LRRTM4: variants seen among roughly 807,000 people sequenced by gnomAD.
The protein encoded by LRRTM4 is leucine rich repeat transmembrane neuronal 4, also known as leucine-rich repeat transmembrane neuronal protein 4.
In LRRTM4, 25 loss-of-function variants were observed where a neutral mutation model predicts 47.6. The ratio of observed to expected loss-of-function variants is 0.53; its 90% confidence interval spans 0.38 to 0.73. The LOEUF (loss-of-function observed/expected upper bound fraction) is 0.73, where lower values mean the gene tolerates loss of function less well. LRRTM4 is among the 30% of genes least tolerant of loss of function. LRRTM4 has a pLI of 0.00. For missense variants in LRRTM4, 638 were observed against 713.4 expected (o/e 0.89, Z 1.20); for synonymous variants, 311 against 269.5 (o/e 1.15, Z -1.51).
intron 3 of LRRTM4, among the ~76,000 whole-genome samples, chr2:76,814,794 TACACACACACATAC>T (rs200991455): frequency 0.11 from 17,131 of 149,644 alleles, 1,161 homozygotes; most frequent in African/African-American, 0.18. Context: ...GGCTTCAAGA[TACACACACACATAC>T]ACACACACAC....
At chr2:77,119,334 A>G (rs1321733693) in intron 3 of LRRTM4, among the ~76,000 whole-genome samples, 1 of 151,836 alleles carries the variant, frequency 6.6e-6, no homozygotes, top group Non-Finnish European at 1.5e-5. Context: ...AAGAGTGTTG[A>G]TCTTTCTCTA....
chr2:76,777,192 T>G (rs1460243708), intron 3 of LRRTM4, among the ~76,000 whole-genome samples: 1 of 150,872 alleles, frequency 6.6e-6, no homozygotes, highest in Non-Finnish European at 1.5e-5. Context: ...TCAGGGAGTG[T>G]GATGCATCCA....
At chr2:77,123,572 A>G (rs1017298526) in intron 3 of LRRTM4, among the ~76,000 whole-genome samples, 1 of 152,104 alleles carries the variant, frequency 6.6e-6, no homozygotes, top group African/African-American at 2.4e-5. Flanking sequence ...CTTAACTATC[A>G]TTTTTAACAC....
intron 3 of LRRTM4, among the ~76,000 whole-genome samples, chr2:76,888,032 T>G (rs1304800831): frequency 6.7e-6 from 1 of 149,698 alleles, no homozygotes; most frequent in Non-Finnish European, 1.5e-5. Flanking sequence ...GCACACACTG[T>G]GTGTGTGTAT....
intron 3 of LRRTM4, among the ~76,000 whole-genome samples, chr2:77,070,005 G>A (rs1167612710): frequency 6.6e-6 from 1 of 152,072 alleles, no homozygotes; most frequent in Non-Finnish European, 1.5e-5. Context: ...ATGAAAACAA[G>A]CCTTTTGAAT....
At chr2:77,095,626 C>A (rs1031664568) in intron 3 of LRRTM4, among the ~76,000 whole-genome samples, 1 of 151,582 alleles carries the variant, frequency 6.6e-6, no homozygotes, top group Non-Finnish European at 1.5e-5. Flanking sequence ...GTGCCTCAGC[C>A]TCCCAAGTAA....
At chr2:76,926,910 A>G (rs577755805) in intron 3 of LRRTM4, among the ~76,000 whole-genome samples, 6 of 152,294 alleles carry the variant, frequency 3.9e-5, no homozygotes, top group African/African-American at 1.4e-4. Flanking sequence ...AGAAAAGGTC[A>G]TGAAAACACG....
intron 3 of LRRTM4, among the ~76,000 whole-genome samples, chr2:76,816,819 GT>G (rs201525166): frequency 1.0e-5 from 1 of 96,564 alleles, no homozygotes; most frequent in African/African-American, 3.2e-5. Flanking sequence ...GAGGTAAAGA[GT>G]TTTTTTTTTT....
At chr2:77,370,319 T>G (rs1239079994) in intron 3 of LRRTM4, among the ~76,000 whole-genome samples, 1 of 151,690 alleles carries the variant, frequency 6.6e-6, no homozygotes, top group Admixed American at 6.6e-5. Context: ...CTTGATGAAG[T>G]CATGAAAGGA....
intron 3 of LRRTM4, among the ~76,000 whole-genome samples, chr2:77,265,998 A>G (rs1676039117): frequency 6.6e-6 from 1 of 152,186 alleles, no homozygotes; most frequent in Non-Finnish European, 1.5e-5. Context: ...GAGGTTGGTA[A>G]ATTGTGGCCC....
chr2:76,899,179 G>GA (rs1438929685), intron 3 of LRRTM4, among the ~76,000 whole-genome samples: 1 of 151,738 alleles, frequency 6.6e-6, no homozygotes, highest in Non-Finnish European at 1.5e-5. Context: ...CTCAAGATAA[G>GA]AAAAAACTTT....
intron 3 of LRRTM4, among the ~76,000 whole-genome samples, chr2:77,473,013 A>G (rs1028912814): frequency 1.1e-4 from 16 of 152,194 alleles, no homozygotes; most frequent in African/African-American, 2.9e-4. Flanking sequence ...CTAAATAGAT[A>G]CATACAAAAA....
intron 3 of LRRTM4, among the ~76,000 whole-genome samples, chr2:77,403,408 A>G (rs567092800): frequency 1.3e-5 from 2 of 152,038 alleles, no homozygotes; most frequent in South Asian, 2.1e-4. Context: ...TCCAGGACTT[A>G]GTACAGTACT....
intron 3 of LRRTM4, among the ~76,000 whole-genome samples, chr2:76,808,773 C>T (rs1346962472): frequency 6.6e-6 from 1 of 152,106 alleles, no homozygotes; most frequent in East Asian, 1.9e-4. Context: ...GCAACACATT[C>T]CATCAGGAAA....
At chr2:76,892,086 A>T (rs1445532579) in intron 3 of LRRTM4, among the ~76,000 whole-genome samples, 3 of 151,730 alleles carry the variant, frequency 2.0e-5, no homozygotes, top group Admixed American at 6.6e-5. Context: ...ACTAAAACTG[A>T]ATTTAAAATA....
chr2:77,212,218 C>T (rs1305965042), intron 3 of LRRTM4, among the ~76,000 whole-genome samples: 1 of 151,702 alleles, frequency 6.6e-6, no homozygotes. Context: ...GATTAGTTAA[C>T]AAAATACTAT....
At chr2:77,051,668 A>T (rs1294108770) in intron 3 of LRRTM4, among the ~76,000 whole-genome samples, 3 of 152,214 alleles carry the variant, frequency 2.0e-5, no homozygotes, top group African/African-American at 7.2e-5. Context: ...ATAGTACAGC[A>T]AACTTTTAAA....
At chr2:76,807,231 G>A (rs1558667026) in intron 3 of LRRTM4, among the ~76,000 whole-genome samples, 1 of 151,496 alleles carries the variant, frequency 6.6e-6, no homozygotes, top group Non-Finnish European at 1.5e-5. Flanking sequence ...ATATTATAAA[G>A]TACGACAAAT....
chr2:76,796,125 A>G (rs150153528), intron 3 of LRRTM4, among the ~76,000 whole-genome samples: 29,798 of 131,418 alleles, frequency 0.23, 5,265 homozygotes, highest in East Asian at 0.41. Flanking sequence ...AAAAAACGGC[A>G]CACCACAAGA....
Sources: allele counts gnomAD v4.1 joint callset (sites outside exome capture counted in the v4.1 genomes callset), GRCh38; gene constraint gnomAD v4.1.1; transcripts MANE v1.5; gene names NCBI Gene and HGNC (gene_info 2026-07-23, HGNC 2026-07-21).